LARS1: variants seen among roughly 807,000 people sequenced by gnomAD.
LARS1 encodes the protein leucyl-tRNA synthetase 1, also known as leucine--tRNA ligase, cytoplasmic.
A neutral mutation model predicts 162.8 loss-of-function variants in LARS1; 100 were observed. The ratio of observed to expected loss-of-function variants is 0.61; its 90% CI spans 0.52 to 0.73. The LOEUF (loss-of-function observed/expected upper bound fraction) is 0.73. LARS1 is among the 30% of genes least tolerant of loss of function. The pLI is 0.00. For missense variants in LARS1, 1,258 were observed against 1,408.9 expected (o/e 0.89, Z 1.71); for synonymous variants, 457 against 462.8 (o/e 0.99, Z 0.16).
At chr5:146,128,066 A>G (rs771089901) in intron 27 of LARS1, among the ~76,000 whole-genome samples, 4 of 152,276 alleles carry the variant, frequency 2.6e-5, no homozygotes, top group East Asian at 1.9e-4. Context: ...CTTTGTTTCT[A>G]CATTTTGAAT....
chr5:146,144,189 A>AG (rs973786910), intron 18 of LARS1, 78 bp downstream of exon 18: 4 of 1,034,166 alleles, frequency 3.9e-6, no homozygotes, highest in African/African-American at 1.6e-5. Flanking sequence ...AATTGAGGGC[A>AG]GGGGGGAAAG....
At chr5:146,173,309 T>G (rs984070499) in intron 2 of LARS1, among the ~76,000 whole-genome samples, 3 of 151,494 alleles carry the variant, frequency 2.0e-5, no homozygotes, top group Non-Finnish European at 2.9e-5. Context: ...GCTGAGATCA[T>G]GCCACTGCAC....
intron 5 of LARS1, 138 bp from the exon 6 acceptor site, chr5:146,164,609 T>C (rs1753919226): frequency 2.4e-6 from 2 of 840,752 alleles, no homozygotes; most frequent in African/African-American, 1.7e-5. Context: ...GAATTAGTTG[T>C]ACTATTAGTC....
chr5:146,166,069 A>C (rs926441121), intron 5 of LARS1, among the ~76,000 whole-genome samples: 2 of 152,206 alleles, frequency 1.3e-5, no homozygotes, highest in South Asian at 2.1e-4. Context: ...TGCTCTGTCC[A>C]CTGAGAGTGC....
chr5:146,138,421 A>C (rs1420811095), intron 21 of LARS1: 1 of 153,674 alleles, frequency 6.5e-6, no homozygotes, highest in Non-Finnish European at 1.5e-5. Context: ...ATTTGTTAAA[A>C]AGGAAAAAAA....
Position 146,171,852 on chromosome 5 carries a change from G to A in LARS1, c.294+58C>T, listed in dbSNP as rs73317828. ...AAAATCCTTTTAAGCTCTTGAATTGGGTATTACTATTTGCTCCAACTAAAA... is the reference window on the plus strand; with the variant it reads ...AAAATCCTTTTAAGCTCTTGAATTGAGTATTACTATTTGCTCCAACTAAAA... On this transcript the variant is annotated intron_variant, in intron 4 of 31. Transcript: ENST00000394434. 10 of 1,208,900 alleles carry A rather than the reference G, an allele frequency of 8.3e-6. No homozygotes were observed. The East Asian group carries it at 1.7e-4, about 20-fold the overall frequency. 74.9% of individuals were successfully genotyped at this position (1,208,900 alleles called of 1,614,324 possible). A position where few individuals can be genotyped will look rare whatever the true frequency, so the allele number is the denominator to read the frequency against.
At chr5:146,163,365 G>A (rs1753862759) in intron 6 of LARS1, among the ~76,000 whole-genome samples, 1 of 152,106 alleles carries the variant, frequency 6.6e-6, no homozygotes, top group Admixed American at 6.6e-5. Context: ...TGTGTTTACT[G>A]GAGAAGCACC....
chr5:146,152,773 T>C (rs561922736), intron 13 of LARS1, among the ~76,000 whole-genome samples: 3 of 152,352 alleles, frequency 2.0e-5, no homozygotes, highest in African/African-American at 7.2e-5. Context: ...GTTTTTCTTC[T>C]ATAGATACTA....
intron 10 of LARS1, 21 bp from the exon 11 acceptor site, chr5:146,154,001 T>C (rs1753412423): frequency 3.3e-6 from 5 of 1,523,010 alleles, no homozygotes; most frequent in Non-Finnish European, 3.6e-6. Context: ...AAAAAATCAA[T>C]ATAAAAGGTG....
rs1764090762 is a variant in LARS1 at position 146,114,063 on chromosome 5, A to AC, written c.*42_*43insG. On this transcript the variant is annotated 3_prime_UTR_variant, in exon 32 of 32. Transcript: ENST00000394434. The stretch of plus-strand genomic sequence containing the variant: ...AATCAGTAGACACAATCAGAGTAGT[A>AC]GTATTCCTAAGAAACCAGGATAAAT... The AC allele has an allele frequency of 7.0e-7, 1 of 1,426,358 alleles. No homozygotes were observed. The highest frequency in any genetic ancestry group is 9.9e-7 in the Non-Finnish European group (1 of 1,010,824). The allele number at this position is 1,426,358 out of a possible 1,614,324, so 88.4% of individuals were successfully genotyped here. A position where few individuals can be genotyped will look rare whatever the true frequency, so the allele number is the denominator to read the frequency against.
At position 146,151,992 on chromosome 5, in the gene LARS1, A is replaced by G; in HGVS notation, c.1295T>C (p.Ile432Thr). 1.9e-6 allele frequency: 3 copies of G among 1,614,018 alleles called. No individual in the cohort carries two copies. Among genetic ancestry groups the G allele is most frequent in the Non-Finnish European group, 1.7e-6 (2 of 1,180,038 alleles). Residue 432 changes from isoleucine to threonine, a missense_variant, in exon 14 of 32, where the codon ATT becomes ACT. Physicochemically the swap from Ile to Thr is moderately conservative, Grantham distance 89. Coordinates refer to ENST00000394434, the MANE Select transcript of LARS1 (RefSeq NM_020117.11). ...MVLPFEPVPV[I>T]EIPGFGNLSA... ...AAGATTTCCAAAACCTGGGATTTCAATGACTGGCACCTGCAGCAAACAGCA... is the reference window on the plus strand; with the variant it reads ...AAGATTTCCAAAACCTGGGATTTCAGTGACTGGCACCTGCAGCAAACAGCA...
At chr5:146,139,040 GAAAAAAA>G in intron 21 of LARS1, 17 of 204,034 alleles carry the variant, frequency 8.3e-5, no homozygotes, top group East Asian at 4.6e-4. Flanking sequence ...GTGGATTTGT[GAAAAAAA>G]AAAAAAAAAA....
intron 6 of LARS1, 147 bp from the exon 7 acceptor site, chr5:146,160,633 T>G: frequency 2.2e-6 from 1 of 458,438 alleles, no homozygotes; most frequent in Non-Finnish European, 3.9e-6. Context: ...CTATTAAAAG[T>G]ATATCACAAT....
chr5:146,155,621 C>T (rs538631166), intron 10 of LARS1, among the ~76,000 whole-genome samples: 2 of 152,318 alleles, frequency 1.3e-5, no homozygotes, highest in South Asian at 4.1e-4. Context: ...TTCCCACCCA[C>T]CCCTCTTTAT....
chr5:146,141,979 G>T (rs1042173751), intron 20 of LARS1, among the ~76,000 whole-genome samples: 1 of 152,052 alleles, frequency 6.6e-6, no homozygotes, highest in Non-Finnish European at 1.5e-5. Flanking sequence ...TGGCTAACAC[G>T]GTTAAACCCC....
intron 2 of LARS1, among the ~76,000 whole-genome samples, chr5:146,173,378 TATGA>T (rs1054044788): frequency 9.9e-5 from 15 of 151,940 alleles, no homozygotes; most frequent in African/African-American, 3.1e-4. Context: ...TTAATACCCT[TATGA>T]ACCTAGGCTA....
At position 146,155,246 on chromosome 5, in the gene LARS1, A is replaced by T. The variant is rs894195586; in HGVS notation, c.1066-1266T>A. 2.0e-5 allele frequency among the ~76,000 whole-genome samples: 3 copies of T among 152,216 alleles called. No homozygotes were observed. In the East Asian group the frequency reaches 5.8e-4, roughly 29 times the overall value. ...TTGTTTGTGACATTGTACTCCTTGA[A>T]GAAAATATAGGAATCCACAGCAAAA... On this transcript the variant is annotated intron_variant, in intron 10 of 31. Coordinates refer to ENST00000394434, the MANE Select transcript of LARS1 (RefSeq NM_020117.11).
rs1435328806 is a variant in LARS1, at chr5:146,178,813, G to A, written c.7-1148C>T. ...AAAACCTCTTCTTAATAAGTAACTT[G>A]GCTGGATGTAGTGCCTCATGTCTAC... On this transcript the variant is annotated intron_variant, in intron 1 of 31. Transcript: ENST00000394434. Among the ~76,000 whole-genome samples, 11 of 152,078 alleles carry A rather than the reference G, an allele frequency of 7.2e-5. 2 individuals are homozygous for A. In the South Asian group the frequency reaches 2.3e-3, roughly 32 times the overall value.
At chr5:146,144,879 A>G (rs943902281) in intron 15 of LARS1, 170 bp from the exon 16 acceptor site, 3 of 599,038 alleles carry the variant, frequency 5.0e-6, no homozygotes, top group East Asian at 2.8e-5. Context: ...CTTTCCTTCT[A>G]TGTAACACCT....
Sources: gnomAD v4.1 joint callset for allele counts (sites outside exome capture counted in the v4.1 genomes callset) on GRCh38, gnomAD v4.1.1 for gene constraint, MANE v1.5 for transcripts, NCBI Gene and HGNC (gene_info 2026-07-23, HGNC 2026-07-21) for gene names.